The following BEST2 variants were observed in gnomAD, a reference collection of about 807,000 sequenced individuals.
The protein encoded by BEST2 is bestrophin 2.
Under a neutral mutation model 49.0 loss-of-function variants are expected in BEST2, and 36 were observed. That is an observed-to-expected ratio of 0.73 (90% CI 0.56 to 0.97). BEST2 has a LOEUF of 0.97. BEST2 is among the 50% of genes least tolerant of loss of function. The probability of loss-of-function intolerance (pLI) is 0.00; values close to 1 mark genes in which losing one functional copy is unlikely to be tolerated. For missense variants in BEST2, 672 were observed against 710.0 expected, an observed-to-expected ratio of 0.95 and a Z score of 0.61; for synonymous variants, 335 against 304.4, an observed-to-expected ratio of 1.10 and a Z score of -1.05.
In BEST2 at chr19:12,752,615, G is replaced by T. The variant is rs79300835; in HGVS notation, c.23G>T (p.Arg8Leu). MTVTYTA[R>L]VANARFGGFS... ...ACGATGACCGTCACCTACACAGCCC[G>T]AGTGGCGAACGCCCGCTTCGGTGGC... Residue 8 changes from arginine (R) to leucine (L), a missense_variant, in exon 2 of 10, where the codon CGA becomes CTA. Arg to Leu is a moderately radical substitution (Grantham distance 102). Transcript: ENST00000553030. 1 of 1,611,862 alleles carries T rather than the reference G, an allele frequency of 6.2e-7. No homozygotes were observed. The highest frequency in any genetic ancestry group is 8.5e-7 in the Non-Finnish European group (1 of 1,179,712).
At chr19:12,756,395 G>A in intron 9 of BEST2, 100 bp downstream of exon 9, 1 of 1,453,614 alleles carries the variant, frequency 6.9e-7, no homozygotes, top group Non-Finnish European at 9.4e-7. Context: ...CTGGAGATGG[G>A]GATAAGAGCT....
intron 9 of BEST2, among the ~76,000 whole-genome samples, chr19:12,757,270 G>A (rs1337494262): frequency 1.3e-5 from 2 of 151,766 alleles, no homozygotes; most frequent in Non-Finnish European, 2.9e-5. Flanking sequence ...AAAATTAGCC[G>A]GTGTGGTGGC....
rs374918851 is a variant in BEST2, at chr19:12,755,485, C to T, written c.714+29C>T. 285 of 1,612,488 alleles carry T rather than the reference C, an allele frequency of 1.8e-4. No homozygotes were observed. In the African/African-American group the frequency reaches 2.8e-3, roughly 16 times the overall value. ...ACCCCATCATGCCTCTTTTTATATT[C>T]GGTGTCAGTGGCCCTGATGCCTGGT... On this transcript the variant is annotated intron_variant, in intron 6 of 9. Transcript: ENST00000553030. The surrounding 1 kb of genome is among the most constrained non-coding windows in gnomAD (Gnocchi z 4.4).
At chr19:12,756,075 G>T (rs2145705822) in intron 8 of BEST2, 66 bp from the exon 9 acceptor site, 1 of 1,606,650 alleles carries the variant, frequency 6.2e-7, no homozygotes. Context: ...CCACCCGAAG[G>T]GGTCCACCCT....
Position 12,753,271 on chromosome 19 carries a change from C to A in BEST2, c.164C>A (p.Thr55Asn). The A allele has an allele frequency of 6.2e-7, 1 of 1,614,180 alleles. No individual in the cohort carries two copies. The highest frequency in any genetic ancestry group is 8.5e-7 in the Non-Finnish European group (1 of 1,180,016). Residue 55 changes from threonine to asparagine, a missense_variant, in exon 3 of 10, where the codon ACC becomes AAC. By Grantham distance (65) the Thr-to-Asn change is moderately conservative. Transcript: ENST00000553030. ...ALSAAYRFVL[T>N]EGQKRYFEKL... ...TCTCTATCCCGCAGCTTTGTGCTGA[C>A]CGAAGGGCAGAAGCGCTACTTCGAG...
rs1418448449 is a variant in BEST2 at position 12,757,786 on chromosome 19, C to T, written c.1239C>T (p.Arg413=). 22 of 1,547,062 alleles carry T rather than the reference C, an allele frequency of 1.4e-5. No homozygotes were observed. The highest frequency in any genetic ancestry group is 1.9e-5 in the Non-Finnish European group (22 of 1,146,322). The change falls in exon 10 of 10, where the codon CGC becomes CGT. Residue 413 remains arginine (R), a synonymous_variant. Coordinates refer to ENST00000553030, the MANE Select transcript of BEST2 (RefSeq NM_017682.3). The stretch of plus-strand genomic sequence containing the variant: ...TCGCGGGAGGCCCGCTGGGCCGGCG[C>T]CTGTCCTTTCTACTCCGCAAGAACA... ...GMVAGGPLGR[R]LSFLLRKNSC... is the part of the protein sequence containing the mutation.
chr19:12,754,659 G>A lies in BEST2; in HGVS notation c.355G>A (p.Asp119Asn), dbSNP rs763096626. Residue 119 changes from aspartate to asparagine, a missense_variant, in exon 4 of 10, where the codon GAC (aspartate) becomes AAC (asparagine). By Grantham distance (23) the Asp-to-Asn change is conservative (BLOSUM62 1). Around this residue, in one of 3 missense-constraint regions of BEST2, gnomAD observed 365 missense variants for 390.9 expected, o/e 0.93. Coordinates refer to ENST00000553030, the MANE Select transcript of BEST2 (RefSeq NM_017682.3). ...GGCGGGCACCGTGCACGGACGCGAC[G>A]ACCGCGGCCGCCTCTACCGGCGCAC... ...VVAGTVHGRD[D>N]RGRLYRRTLM... is the part of the protein sequence containing the mutation. The A allele has an allele frequency of 2.8e-5, 44 of 1,558,030 alleles. No homozygotes were observed. Among genetic ancestry groups the A allele is most frequent in the African/African-American group, 4.1e-5 (3 of 73,434 alleles).
chr19:12,758,190 T>G lies in BEST2; in HGVS notation c.*113T>G. On this transcript the variant is annotated 3_prime_UTR_variant, in exon 10 of 10. Transcript: ENST00000553030. ...GCCTTTGTAAAGTCCACCTACACTT[T>G]TGACCAGCTCTCGCTGCCCGCATGT... 1 of 1,295,440 alleles carries G rather than the reference T, an allele frequency of 7.7e-7. No homozygotes were observed. 80.2% of individuals were successfully genotyped at this position (1,295,440 alleles called of 1,614,324 possible).
At chr19:12,757,553 C>T (rs1967959734) in intron 9 of BEST2, 98 bp from the exon 10 acceptor site, 2 of 1,337,918 alleles carry the variant, frequency 1.5e-6, no homozygotes, top group Non-Finnish European at 2.0e-6. Context: ...ATAAGTGGGA[C>T]AAAGCGGTGG....
intron 9 of BEST2, 113 bp from the exon 10 acceptor site, chr19:12,757,538 T>A (rs1043765625): frequency 1.7e-6 from 2 of 1,206,812 alleles, no homozygotes; most frequent in Non-Finnish European, 2.3e-6. Flanking sequence ...CTAAGATCTT[T>A]GGGGATAAGT....
In BEST2 at chr19:12,753,276, G is replaced by A; in HGVS notation, c.169G>A (p.Gly57Arg). Residue 57 changes from glycine (G) to arginine (R), a missense_variant, in exon 3 of 10, where the codon GGG (glycine) becomes AGG (arginine). Physicochemically the swap from Gly to Arg is moderately radical, Grantham distance 125. Transcript: ENST00000553030. ...SAAYRFVLTEGQKRYFEKLVI... is the reference protein window; with the variant it reads ...SAAYRFVLTERQKRYFEKLVI... The stretch of plus-strand genomic sequence containing the variant: ...ATCCCGCAGCTTTGTGCTGACCGAA[G>A]GGCAGAAGCGCTACTTCGAGAAGCT... 6.2e-7 allele frequency: 1 copy of A among 1,614,192 alleles called. No homozygotes were observed. The highest frequency in any genetic ancestry group is 1.3e-5 in the African/African-American group (1 of 75,050).
chr19:12,756,014 C>T, intron 8 of BEST2, 79 bp downstream of exon 8: 1 of 1,585,750 alleles, frequency 6.3e-7, no homozygotes, highest in South Asian at 1.1e-5. Flanking sequence ...CCCACCCCTG[C>T]CAAGTCTTGC....
chr19:12,758,075 T>C lies in BEST2; in HGVS notation c.1528T>C (p.Ter510ArgextTer26), dbSNP rs763538846. ...PIGEEEENLA* is the reference protein window; with the variant it reads ...PIGEEEENLAR The stretch of plus-strand genomic sequence containing the variant: ...TGGCGAGGAGGAGGAGAATCTGGCC[T>C]GAGATCTTAGAGCCCAGCCCCCTAA... The change falls in exon 10 of 10, where the codon TGA becomes CGA. Residue 510 changes from the stop codon to arginine, a stop_lost. Coordinates refer to ENST00000553030, the MANE Select transcript of BEST2 (RefSeq NM_017682.3). 6 of 1,612,568 alleles carry C rather than the reference T, an allele frequency of 3.7e-6. No individual in the cohort carries two copies. Among genetic ancestry groups the C allele is most frequent in the Admixed American group, 1.7e-5 (1 of 59,918 alleles).
At chr19:12,756,416 G>C in intron 9 of BEST2, 121 bp downstream of exon 9, 1 of 1,356,186 alleles carries the variant, frequency 7.4e-7, no homozygotes, top group Non-Finnish European at 1.0e-6. Flanking sequence ...AAAGTCTCAG[G>C]ACTGTGATAA....
At position 12,754,737 on chromosome 19, in the gene BEST2, A is replaced by C; in HGVS notation, c.433A>C (p.Thr145Pro). 1.3e-6 allele frequency: 2 copies of C among 1,592,648 alleles called. No individual in the cohort carries two copies. Among genetic ancestry groups the C allele is most frequent in the Non-Finnish European group, 1.7e-6 (2 of 1,169,560 alleles). ...SAVLILRSVS[T>P]AVFKRFPTID... ...CGTGCTCATCCTGCGCTCCGTCAGC[A>C]CCGCGGTGTTCAAGCGCTTCCCCAC... The change falls in exon 4 of 10, where the codon ACC becomes CCC. Residue 145 changes from threonine to proline, a missense_variant. Transcript: ENST00000553030.
chr19:12,755,383 T>G lies in BEST2; in HGVS notation c.641T>G (p.Leu214Arg). 1 of 1,614,118 alleles carries G rather than the reference T, an allele frequency of 6.2e-7. No homozygotes were observed. Among genetic ancestry groups the G allele is most frequent in the South Asian group, 1.1e-5 (1 of 91,084 alleles). ...ATGACCTGTATCCACCCCCAGGAGC[T>G]GAATGTTTTTCGGGGCAAATGTGGA... ...NSALKLLLEE[L>R]NVFRGKCGML... is the part of the protein sequence containing the mutation. The change falls in exon 6 of 10, where the codon CTG (leucine) becomes CGG (arginine). Residue 214 changes from leucine (L) to arginine (R), a missense_variant. Physicochemically the swap from Leu to Arg is moderately radical, Grantham distance 102. Around this residue, in one of 3 missense-constraint regions of BEST2, gnomAD observed 365 missense variants for 390.9 expected, o/e 0.93. Transcript: ENST00000553030. This position sits in a 1 kb window ranked among gnomAD's most constrained non-coding sequence, Gnocchi z 4.4.
chr19:12,755,376 C>G lies in BEST2; in HGVS notation c.637-3C>G. On this transcript the variant is annotated splice_region_variant and splice_polypyrimidine_tract_variant and intron_variant, in intron 5 of 9. Coordinates refer to ENST00000553030, the MANE Select transcript of BEST2 (RefSeq NM_017682.3). This position sits in a 1 kb window ranked among gnomAD's most constrained non-coding sequence, Gnocchi z 4.4. ...CCTCCTCATGACCTGTATCCACCCC[C>G]AGGAGCTGAATGTTTTTCGGGGCAA... The G allele has an allele frequency of 6.2e-7, 1 of 1,614,102 alleles. No individual in the cohort carries two copies. Among genetic ancestry groups the G allele is most frequent in the Non-Finnish European group, 8.5e-7 (1 of 1,179,968 alleles).
At position 12,756,215 on chromosome 19, in the gene BEST2, C is replaced by T. The variant is rs1450077051; in HGVS notation, c.1023C>T (p.Ala341=). Residue 341 remains alanine, a synonymous_variant, in exon 9 of 10, where the codon GCC becomes GCT. Coordinates refer to ENST00000553030, the MANE Select transcript of BEST2 (RefSeq NM_017682.3). ...AGAAGGACTTGTACTGGGATGCAGC[C>T]GAGGCTCGCGCCCCATACACAGCGG... ...VLEKDLYWDA[A]EARAPYTAAT... is the part of the protein sequence containing the mutation. 13 of 1,614,084 alleles carry T rather than the reference C, an allele frequency of 8.1e-6. No homozygotes were observed. Among genetic ancestry groups the T allele is most frequent in the East Asian group, 6.7e-5 (3 of 44,900 alleles).
rs1389555945 is a variant in BEST2 at position 12,757,851 on chromosome 19, G to A, written c.1304G>A (p.Cys435Tyr). The A allele has an allele frequency of 6.5e-7, 1 of 1,549,200 alleles. No individual in the cohort carries two copies. Among genetic ancestry groups the A allele is most frequent in the East Asian group, 2.4e-5 (1 of 40,960 alleles). The change falls in exon 10 of 10, where the codon TGC becomes TAC. Residue 435 changes from cysteine (C) to tyrosine (Y), a missense_variant. Cys to Tyr is a radical substitution (Grantham distance 194). Transcript: ENST00000553030. ...SEASTGASCS[C>Y]AVVPEGAAPE... ...GCGTCTACTGGGGCCAGCTGCTCAT[G>A]CGCGGTTGTCCCCGAAGGCGCGGCC... is the stretch of plus-strand genomic sequence containing the variant.
Sources: gnomAD v4.1 joint callset for allele counts (sites outside exome capture counted in the v4.1 genomes callset) on GRCh38, gnomAD v4.1.1 for gene constraint, gnomAD v4.1.1 regional missense constraint, Gnocchi (gnomAD v3.1) non-coding constraint, MANE v1.5 for transcripts, NCBI Gene and HGNC (gene_info 2026-07-23, HGNC 2026-07-21) for gene names.